CDKAL1: variants seen among roughly 807,000 people sequenced by gnomAD.
CDKAL1 encodes the protein CDKAL1 threonylcarbamoyladenosine tRNA methylthiotransferase.
In CDKAL1, 32 loss-of-function variants were observed where a neutral mutation model predicts 68.2. The ratio of observed to expected loss-of-function variants is 0.47; its 90% CI spans 0.35 to 0.63. The LOEUF (loss-of-function observed/expected upper bound fraction) is 0.63, where lower values mean the gene tolerates loss of function less well. Ranked by LOEUF, CDKAL1 falls within the 30% of genes least tolerant of loss-of-function variation. The pLI is 0.00. For missense variants in CDKAL1, 606 were observed against 696.7 expected, an observed-to-expected ratio of 0.87 and a Z score of 1.47; for synonymous variants, 234 against 244.3, an observed-to-expected ratio of 0.96 and a Z score of 0.39.
chr6:21,065,246 T>C lies in CDKAL1; in HGVS notation c.1236+18T>C, dbSNP rs779767359. ...CACAAGTGGTAAGATCTTTTTCTTGTAAGGTATTGTTTTTTGCCAGTAGCT... is the reference window on the plus strand; with the variant it reads ...CACAAGTGGTAAGATCTTTTTCTTGCAAGGTATTGTTTTTTGCCAGTAGCT... On this transcript the variant is annotated intron_variant, in intron 12 of 15. Transcript: ENST00000274695. 2 of 1,589,412 alleles carry C rather than the reference T, an allele frequency of 1.3e-6. No homozygotes were observed. The highest frequency in any genetic ancestry group is 2.4e-5 in the South Asian group (2 of 84,650).
Position 20,539,267 on chromosome 6 carries a change from GTGTAGTC to G in CDKAL1, c.-6+3876_-6+3882del, listed in dbSNP as rs1466267695. On this transcript the variant is annotated intron_variant, in intron 2 of 15. Transcript: ENST00000274695. This position sits in a 1 kb window ranked among gnomAD's most constrained non-coding sequence, Gnocchi z 4.3. The stretch of plus-strand genomic sequence containing the variant: ...ATCTATATCCATATATTGCCCGACT[GTGTAGTC>G]TGCAGTAAAAGTATTTATTGAGAAC... Among the ~76,000 whole-genome samples the G allele has an allele frequency of 6.6e-6, 1 of 152,208 alleles. No homozygotes were observed. Among genetic ancestry groups the G allele is most frequent in the African/African-American group, 2.4e-5 (1 of 41,448 alleles).
At chr6:21,065,356 G>A (rs1771377129) in intron 12 of CDKAL1, 128 bp downstream of exon 12, 1 of 747,556 alleles carries the variant, frequency 1.3e-6, no homozygotes, top group Non-Finnish European at 2.1e-6. Flanking sequence ...AGATTTCCAA[G>A]TTGGGGTCAG....
chr6:20,867,067 G>A (rs1158925056), intron 9 of CDKAL1, among the ~76,000 whole-genome samples: 3 of 152,184 alleles, frequency 2.0e-5, no homozygotes, highest in Non-Finnish European at 4.4e-5. Context: ...TCTGTGGAGA[G>A]AAGCAATTTG....
At chr6:20,885,151 T>C (rs1176191718) in intron 9 of CDKAL1, among the ~76,000 whole-genome samples, 1 of 152,170 alleles carries the variant, frequency 6.6e-6, no homozygotes, top group East Asian at 1.9e-4. Context: ...CTCCCCTTTT[T>C]TTTGCAGTTC....
At chr6:20,589,751 T>A (rs917269948) in intron 4 of CDKAL1, among the ~76,000 whole-genome samples, 1 of 151,848 alleles carries the variant, frequency 6.6e-6, no homozygotes, top group African/African-American at 2.4e-5. Context: ...ATTTCTTATA[T>A]TATTAGTTTT....
At chr6:20,743,148 A>G (rs1773529239) in intron 6 of CDKAL1, among the ~76,000 whole-genome samples, 1 of 152,184 alleles carries the variant, frequency 6.6e-6, no homozygotes. Flanking sequence ...TTGGGAAACT[A>G]TTTTTAGCAG....
intron 2 of CDKAL1, among the ~76,000 whole-genome samples, chr6:20,537,369 G>T (rs1419722665): frequency 6.6e-6 from 1 of 152,202 alleles, no homozygotes; most frequent in Non-Finnish European, 1.5e-5. Flanking sequence ...CACTTTGGGA[G>T]GCCAAGGCAG....
intron 10 of CDKAL1, among the ~76,000 whole-genome samples, chr6:20,983,747 A>G (rs998602229): frequency 1.3e-5 from 2 of 152,148 alleles, no homozygotes; most frequent in Non-Finnish European, 2.9e-5. Context: ...GCTACATAAT[A>G]TATATCAGAG....
rs1037387899 is a variant in CDKAL1 at position 20,539,429 on chromosome 6, G to A, written c.-6+4035G>A. Among the ~76,000 whole-genome samples the A allele has an allele frequency of 6.6e-6, 1 of 152,168 alleles. No individual in the cohort carries two copies. The highest frequency in any genetic ancestry group is 2.4e-5 in the African/African-American group (1 of 41,448). ...TTAAAAAATTATTAAAACATTTTAAGCAGATGATTAAATGCTACAGTTTAA... is the reference window on the plus strand; with the variant it reads ...TTAAAAAATTATTAAAACATTTTAAACAGATGATTAAATGCTACAGTTTAA... On this transcript the variant is annotated intron_variant, in intron 2 of 15. Coordinates refer to ENST00000274695, the MANE Select transcript of CDKAL1 (RefSeq NM_017774.3). This position sits in a 1 kb window ranked among gnomAD's most constrained non-coding sequence, Gnocchi z 4.3.
intron 15 of CDKAL1, among the ~76,000 whole-genome samples, chr6:21,220,056 T>G (rs183626896): frequency 6.2e-4 from 95 of 152,314 alleles, no homozygotes; most frequent in African/African-American, 2.3e-3. Context: ...GCAGCTTTCA[T>G]TCATACTGAT....
chr6:20,941,152 A>C (rs567334396), intron 9 of CDKAL1, among the ~76,000 whole-genome samples: 31 of 60,416 alleles, frequency 5.1e-4, no homozygotes, highest in African/African-American at 1.2e-3. Context: ...AGTGCTCATC[A>C]GCCACATATG....
At chr6:20,951,430 A>C (rs559022949) in intron 9 of CDKAL1, among the ~76,000 whole-genome samples, 35 of 152,264 alleles carry the variant, frequency 2.3e-4, no homozygotes, top group Middle Eastern at 3.4e-3. Flanking sequence ...TTTATTATCA[A>C]ACTTTTAGGT....
intron 9 of CDKAL1, among the ~76,000 whole-genome samples, chr6:20,888,717 T>C (rs2150574554): frequency 6.6e-6 from 1 of 152,204 alleles, no homozygotes; most frequent in Admixed American, 6.5e-5. Flanking sequence ...TTTTTATGGC[T>C]GCGTAGAATT....
chr6:20,667,936 A>T (rs1347360785), intron 5 of CDKAL1, among the ~76,000 whole-genome samples: 3 of 152,124 alleles, frequency 2.0e-5, no homozygotes, highest in Middle Eastern at 3.2e-3. Flanking sequence ...TGTGCAATGG[A>T]AACTTCATTA....
intron 10 of CDKAL1, among the ~76,000 whole-genome samples, chr6:20,987,547 G>T (rs561573650): frequency 6.6e-6 from 1 of 152,194 alleles, no homozygotes; most frequent in African/African-American, 2.4e-5. Context: ...GTGAGACACC[G>T]TGCCTGGCTA....
At chr6:21,065,590 G>C (rs1468919105) in intron 12 of CDKAL1, among the ~76,000 whole-genome samples, 1 of 151,418 alleles carries the variant, frequency 6.6e-6, no homozygotes, top group African/African-American at 2.4e-5. Flanking sequence ...CACTTTTTAA[G>C]AGACTCTTTT....
At chr6:20,551,208 C>T (rs1015843779) in intron 4 of CDKAL1, among the ~76,000 whole-genome samples, 1 of 152,128 alleles carries the variant, frequency 6.6e-6, no homozygotes, top group African/African-American at 2.4e-5. Flanking sequence ...CAGTGAAGTC[C>T]TTTGTCACTT....
chr6:20,671,510 G>A (rs886167666), intron 5 of CDKAL1, among the ~76,000 whole-genome samples: 1 of 152,114 alleles, frequency 6.6e-6, no homozygotes, highest in Admixed American at 6.5e-5. Flanking sequence ...TTTGAGTCAT[G>A]GCTAAGTTAT....
chr6:20,739,478 T>G, intron 5 of CDKAL1, 41 bp from the exon 6 acceptor site: 35 of 1,276,596 alleles, frequency 2.7e-5, no homozygotes, highest in Non-Finnish European at 3.3e-5. Flanking sequence ...AGTATACCCA[T>G]GAGCAAAGGA....
Sources: gnomAD v4.1 joint callset for allele counts (sites outside exome capture counted in the v4.1 genomes callset) on GRCh38, gnomAD v4.1.1 for gene constraint, Gnocchi (gnomAD v3.1) non-coding constraint, MANE v1.5 for transcripts, NCBI Gene and HGNC (gene_info 2026-07-23, HGNC 2026-07-21) for gene names.